The following NELL1 variants were observed in gnomAD, a reference collection of about 807,000 sequenced individuals.
NELL1 encodes neural EGFL like 1.
A neutral mutation model predicts 107.4 loss-of-function variants in NELL1; 76 were observed. The observed-to-expected ratio is 0.71, with a 90% CI of 0.59 to 0.86. NELL1 has a LOEUF of 0.86. NELL1 is among the 40% of genes least tolerant of loss of function. The pLI is 0.00. For missense variants in NELL1, 1,024 were observed against 1,005.5 expected, an observed-to-expected ratio of 1.02 and a Z score of -0.25; for synonymous variants, 353 against 341.2, an observed-to-expected ratio of 1.03 and a Z score of -0.38.
At chr11:21,505,449 ACTTAAAT>A (rs1278070486) in intron 15 of NELL1, among the ~76,000 whole-genome samples, 5 of 152,230 alleles carry the variant, frequency 3.3e-5, no homozygotes, top group African/African-American at 1.2e-4. Flanking sequence ...CTTTAGGAGG[ACTTAAAT>A]CTTAAGTCCT....
At chr11:20,755,619 G>A (rs1198617891) in intron 2 of NELL1, among the ~76,000 whole-genome samples, 2 of 144,118 alleles carry the variant, frequency 1.4e-5, no homozygotes, top group African/African-American at 2.6e-5. Context: ...ACAGTGGCAC[G>A]ATCTCAGCTC....
chr11:21,566,471 G>A (rs115543141), intron 17 of NELL1, among the ~76,000 whole-genome samples: 6 of 151,598 alleles, frequency 4.0e-5, no homozygotes, highest in Non-Finnish European at 7.4e-5. Context: ...TTACCAGATA[G>A]GAAACTTTAT....
At chr11:21,394,786 T>C (rs528463718) in intron 15 of NELL1, among the ~76,000 whole-genome samples, 26 of 151,668 alleles carry the variant, frequency 1.7e-4, no homozygotes, top group African/African-American at 6.0e-4. Context: ...AATATTAACA[T>C]CTTCAAGAGT....
intron 15 of NELL1, among the ~76,000 whole-genome samples, chr11:21,373,118 A>G (rs1590877890): frequency 6.6e-6 from 1 of 152,126 alleles, no homozygotes; most frequent in African/African-American, 2.4e-5. Flanking sequence ...TCTGCATTTA[A>G]TGCTATACTT....
intron 15 of NELL1, among the ~76,000 whole-genome samples, chr11:21,443,521 G>GA (rs34909699): frequency 0.48 from 73,572 of 151,702 alleles, 19,334 homozygotes; most frequent in African/African-American, 0.69. Context: ...CCATAAAATT[G>GA]AGGCTACTTT....
At chr11:21,521,804 T>C (rs1354874158) in intron 15 of NELL1, among the ~76,000 whole-genome samples, 1 of 152,128 alleles carries the variant, frequency 6.6e-6, no homozygotes, top group Non-Finnish European at 1.5e-5. Flanking sequence ...GCCATTCTGA[T>C]TGGTGTAAAA....
intron 14 of NELL1, among the ~76,000 whole-genome samples, chr11:21,331,326 T>A (rs1442856836): frequency 4.6e-5 from 7 of 152,192 alleles, no homozygotes; most frequent in Non-Finnish European, 1.0e-4. Flanking sequence ...GATAATATAA[T>A]GTAGCAGTGT....
chr11:20,788,622 C>T (rs192905391), intron 3 of NELL1, among the ~76,000 whole-genome samples: 1 of 150,904 alleles, frequency 6.6e-6, no homozygotes, highest in East Asian at 2.0e-4. Flanking sequence ...CAGTTTTTTC[C>T]CCCATTCTGT....
At chr11:20,946,811 C>T (rs1311628816) in intron 10 of NELL1, among the ~76,000 whole-genome samples, 1 of 152,108 alleles carries the variant, frequency 6.6e-6, no homozygotes, top group Non-Finnish European at 1.5e-5. Flanking sequence ...CTTTATTCCT[C>T]CCTCCATCCA....
intron 17 of NELL1, among the ~76,000 whole-genome samples, chr11:21,561,153 C>A (rs1428092363): frequency 6.6e-6 from 1 of 152,014 alleles, no homozygotes; most frequent in Non-Finnish European, 1.5e-5. Context: ...ACTATTTAAT[C>A]TTGAGCTTTA....
At chr11:21,341,441 G>T (rs1850562382) in intron 14 of NELL1, among the ~76,000 whole-genome samples, 1 of 152,136 alleles carries the variant, frequency 6.6e-6, no homozygotes, top group Admixed American at 6.5e-5. Context: ...AGGCAAAGGG[G>T]AATCATTCCA....
intron 1 of NELL1, among the ~76,000 whole-genome samples, chr11:20,676,593 TAAA>T (rs1854063720): frequency 6.6e-6 from 1 of 152,206 alleles, no homozygotes. Context: ...GTTTCAGCTC[TAAA>T]GAGGCCTTCC....
rs567763904 is a variant in NELL1, at chr11:20,899,770, A to G, written c.603+14230A>G. 4.7e-4 allele frequency among the ~76,000 whole-genome samples: 71 copies of G among 152,322 alleles called. No individual in the cohort carries two copies. In the South Asian group the frequency reaches 0.014, roughly 31 times the overall value. On this transcript the variant is annotated intron_variant, in intron 5 of 19. Transcript: ENST00000357134. ...AATATATTAGAAATAAAAAAAGCAT[A>G]TAACAATAAATGCTGCAAAAATTAA... is the stretch of plus-strand genomic sequence containing the variant.
chr11:21,100,150 G>A (rs1448092167), intron 12 of NELL1, among the ~76,000 whole-genome samples: 1 of 151,930 alleles, frequency 6.6e-6, no homozygotes, highest in Non-Finnish European at 1.5e-5. Context: ...CTGAATAGCT[G>A]GGATTAGAGA....
chr11:20,799,655 A>ATGTG (rs760507377), intron 3 of NELL1, among the ~76,000 whole-genome samples: 15 of 33,428 alleles, frequency 4.5e-4, no homozygotes, highest in East Asian at 1.2e-3. Flanking sequence ...AGAAGTATGT[A>ATGTG]TGTGTGTATG....
At chr11:21,046,453 C>A (rs1337883253) in intron 12 of NELL1, among the ~76,000 whole-genome samples, 2 of 152,108 alleles carry the variant, frequency 1.3e-5, no homozygotes, top group African/African-American at 4.8e-5. Flanking sequence ...GCTCAATTCT[C>A]TCTCTGGTTT....
intron 13 of NELL1, among the ~76,000 whole-genome samples, chr11:21,223,058 G>A (rs1230203942): frequency 2.0e-5 from 3 of 151,910 alleles, no homozygotes; most frequent in African/African-American, 7.3e-5. Context: ...ATGTCTATTT[G>A]GCCTAAAGTC....
chr11:21,319,730 A>G (rs1026334457), intron 14 of NELL1, among the ~76,000 whole-genome samples: 3 of 151,782 alleles, frequency 2.0e-5, no homozygotes, highest in Admixed American at 6.6e-5. Context: ...CAGGTGGATC[A>G]TGAGGTCAGG....
chr11:21,115,668 C>T (rs1036385222), intron 13 of NELL1, among the ~76,000 whole-genome samples: 6 of 151,896 alleles, frequency 4.0e-5, no homozygotes, highest in South Asian at 2.1e-4. Context: ...TCATGAGAAC[C>T]GCCCTCCCTC....
Sources: allele counts gnomAD v4.1 joint callset (sites outside exome capture counted in the v4.1 genomes callset), GRCh38; gene constraint gnomAD v4.1.1; transcripts MANE v1.5; gene names NCBI Gene and HGNC (gene_info 2026-07-23, HGNC 2026-07-21).